The following VDAC1 variants were observed in gnomAD, a reference collection of about 807,000 sequenced individuals.
The protein encoded by VDAC1 is voltage dependent anion channel 1, also known as non-selective voltage-gated ion channel VDAC1.
VDAC1 carries 10 observed loss-of-function variants against 34.7 expected under a neutral mutation model. The observed-to-expected ratio is 0.29, with a 90% CI of 0.18 to 0.49. VDAC1 has a LOEUF of 0.49. Ranked by LOEUF, VDAC1 falls within the 20% of genes least tolerant of loss-of-function variation. VDAC1 has a pLI of 0.99. For missense variants in VDAC1, 230 were observed against 347.9 expected (o/e 0.66, Z 2.69); for synonymous variants, 130 against 136.0 (o/e 0.96, Z 0.30).
the VDAC1 span, among the ~76,000 whole-genome samples, chr5:134,101,596 T>A: frequency 6.6e-6 from 1 of 151,154 alleles, no homozygotes; most frequent in East Asian, 1.9e-4. Context: ...TGAGCTGTTG[T>A]GAGCTTCACC....
At chr5:134,071,769 G>T in the VDAC1 span, among the ~76,000 whole-genome samples, 3 of 152,224 alleles carry the variant, frequency 2.0e-5, no homozygotes, top group Non-Finnish European at 4.4e-5. The surrounding 1 kb of genome is among the most constrained non-coding windows in gnomAD (Gnocchi z 4.1). Context: ...GAGGGGTGGG[G>T]TGCTGGATCC....
the VDAC1 span, among the ~76,000 whole-genome samples, chr5:134,085,112 A>G: frequency 1.3e-4 from 19 of 149,900 alleles, no homozygotes; most frequent in East Asian, 7.8e-4. Flanking sequence ...TCTGCTGCCC[A>G]GGCTGGAGTG....
the VDAC1 span, among the ~76,000 whole-genome samples, chr5:134,080,836 A>G: frequency 6.6e-6 from 1 of 152,080 alleles, no homozygotes. Context: ...TTTTCTCTAG[A>G]TATTAATTTT....
At chr5:134,088,997 G>C in the VDAC1 span, among the ~76,000 whole-genome samples, 1 of 152,174 alleles carries the variant, frequency 6.6e-6, no homozygotes, top group African/African-American at 2.4e-5. Context: ...ATGGCAGCTG[G>C]CCCCTTTGCC....
chr5:134,034,537 A>G, the VDAC1 span, among the ~76,000 whole-genome samples: 1 of 152,200 alleles, frequency 6.6e-6, no homozygotes, highest in African/African-American at 2.4e-5. Flanking sequence ...GCCGGACGCT[A>G]GGAAGAGGCC....
the VDAC1 span, among the ~76,000 whole-genome samples, chr5:134,036,456 A>C: frequency 6.6e-6 from 1 of 152,202 alleles, no homozygotes. Flanking sequence ...CCAGATTGGA[A>C]GACACTAAAG....
At chr5:134,063,446 TCAG>T in the VDAC1 span, among the ~76,000 whole-genome samples, 13 of 152,198 alleles carry the variant, frequency 8.5e-5, no homozygotes, top group East Asian at 1.9e-4. Context: ...CCACATTGAT[TCAG>T]TGATTTGCTT....
intron 7 of VDAC1, among the ~76,000 whole-genome samples, chr5:133,974,294 G>A (rs748760490): frequency 5.9e-5 from 9 of 152,154 alleles, no homozygotes; most frequent in African/African-American, 2.2e-4. Context: ...AGATACAGCC[G>A]CCAGTGCCCT....
chr5:134,104,720 T>C, the VDAC1 span, among the ~76,000 whole-genome samples: 1 of 152,192 alleles, frequency 6.6e-6, no homozygotes, highest in Non-Finnish European at 1.5e-5. Context: ...TTGACCACGA[T>C]GGGGAAACCC....
intron 8 of VDAC1, 89 bp from the exon 9 acceptor site, chr5:133,972,951 C>G: frequency 8.8e-7 from 1 of 1,138,288 alleles, no homozygotes; most frequent in Middle Eastern, 2.0e-4. Context: ...AGAACCTGTT[C>G]CAGGTATTAT....
the VDAC1 span, among the ~76,000 whole-genome samples, chr5:134,085,418 G>C: frequency 0.063 from 9,574 of 152,056 alleles, 405 homozygotes; most frequent in East Asian, 0.13. Context: ...TCAGTACAAA[G>C]CTTGGAGGTC....
At chr5:134,062,252 TG>T in the VDAC1 span, among the ~76,000 whole-genome samples, 2 of 151,810 alleles carry the variant, frequency 1.3e-5, no homozygotes, top group Admixed American at 6.6e-5. Flanking sequence ...CCCAAAGTGC[TG>T]GGATTACAGG....
At chr5:134,011,740 A>G in the VDAC1 span, among the ~76,000 whole-genome samples, 47 of 150,904 alleles carry the variant, frequency 3.1e-4, 1 homozygote, top group East Asian at 8.2e-3. Flanking sequence ...CCTGGGTTCC[A>G]GCAATTCTTA....
At chr5:134,077,678 T>C in the VDAC1 span, among the ~76,000 whole-genome samples, 2 of 152,324 alleles carry the variant, frequency 1.3e-5, no homozygotes, top group African/African-American at 4.8e-5. Flanking sequence ...CTTTCCATTG[T>C]ACAGAATGAG....
chr5:134,044,796 T>C, the VDAC1 span, among the ~76,000 whole-genome samples: 1 of 152,228 alleles, frequency 6.6e-6, no homozygotes. Flanking sequence ...CAAATATTTC[T>C]TGAGCTCCTA....
intron 6 of VDAC1, chr5:133,976,322 A>C: frequency 4.1e-6 from 1 of 243,800 alleles, no homozygotes; most frequent in Non-Finnish European, 8.1e-6. Flanking sequence ...CCTGGCCAAC[A>C]TGGTGAAACC....
At chr5:134,055,674 C>T in the VDAC1 span, among the ~76,000 whole-genome samples, 6 of 148,656 alleles carry the variant, frequency 4.0e-5, no homozygotes, top group Admixed American at 2.0e-4. Flanking sequence ...GTGATCCGCC[C>T]GCCATGGCTT....
At chr5:133,991,580 C>A (rs1351568563) in intron 3 of VDAC1, among the ~76,000 whole-genome samples, 1 of 152,184 alleles carries the variant, frequency 6.6e-6, no homozygotes, top group African/African-American at 2.4e-5. Flanking sequence ...TGGTTGAATG[C>A]AGGTGAATTT....
the VDAC1 span, among the ~76,000 whole-genome samples, chr5:134,025,800 T>C: frequency 2.0e-5 from 3 of 152,170 alleles, no homozygotes; most frequent in South Asian, 6.2e-4. Context: ...CTCACTATTT[T>C]ACCTAGGCTG....
Sources: gnomAD v4.1 joint callset for allele counts (sites outside exome capture counted in the v4.1 genomes callset) on GRCh38, gnomAD v4.1.1 for gene constraint, Gnocchi (gnomAD v3.1) non-coding constraint, MANE v1.5 for transcripts, NCBI Gene and HGNC (gene_info 2026-07-23, HGNC 2026-07-21) for gene names.